Variants in PRKN observed in about 807,000 individuals in gnomAD.
PRKN encodes E3 ubiquitin-protein ligase parkin.
Under a neutral mutation model 59.5 loss-of-function variants are expected in PRKN, and 56 were observed. That is an observed-to-expected ratio of 0.94 (90% CI 0.76 to 1.18). The LOEUF (loss-of-function observed/expected upper bound fraction) is 1.18. Ranked by LOEUF, PRKN falls within the 50% of genes most tolerant of loss-of-function variation. PRKN has a pLI of 0.00. For missense variants in PRKN, 657 were observed against 596.4 expected (o/e 1.10, Z -1.06); for synonymous variants, 250 against 222.1 (o/e 1.13, Z -1.12).
intron 9 of PRKN, among the ~76,000 whole-genome samples, chr6:161,453,833 T>G (rs1789853018): frequency 6.8e-6 from 1 of 147,612 alleles, no homozygotes; most frequent in Admixed American, 6.8e-5. Context: ...ATGATTACCC[T>G]TTCTGGGAAT....
intron 7 of PRKN, among the ~76,000 whole-genome samples, chr6:161,732,820 G>A (rs1056738867): frequency 2.0e-5 from 3 of 152,070 alleles, no homozygotes; most frequent in Non-Finnish European, 4.4e-5. Flanking sequence ...GCATTGTCTC[G>A]ATGACCTGGT....
chr6:162,021,209 T>C (rs1357565369), intron 5 of PRKN, among the ~76,000 whole-genome samples: 2 of 141,580 alleles, frequency 1.4e-5, no homozygotes, highest in African/African-American at 5.1e-5. Flanking sequence ...ATATATAATA[T>C]ATAACATCTA....
intron 2 of PRKN, among the ~76,000 whole-genome samples, chr6:162,294,236 A>T (rs1181312212): frequency 1.3e-5 from 2 of 152,080 alleles, no homozygotes; most frequent in Admixed American, 1.3e-4. Flanking sequence ...CAAGTACCCG[A>T]GCCAAAAGCT....
intron 1 of PRKN, among the ~76,000 whole-genome samples, chr6:162,712,791 T>C (rs1178353251): frequency 1.3e-5 from 2 of 152,210 alleles, no homozygotes; most frequent in Non-Finnish European, 2.9e-5. Flanking sequence ...ACCTGTCTTC[T>C]GAGATTATTT....
At chr6:162,192,743 T>G (rs939865174) in intron 4 of PRKN, among the ~76,000 whole-genome samples, 3 of 152,158 alleles carry the variant, frequency 2.0e-5, no homozygotes. Flanking sequence ...TTTTAAAATA[T>G]ATACACATAC....
rs1785496260 is a variant in PRKN at position 161,372,860 on chromosome 6, C to T, written c.1168-12655G>A. 7.0e-6 allele frequency among the ~76,000 whole-genome samples: 1 copy of T among 142,042 alleles called. No individual in the cohort carries two copies. The highest frequency in any genetic ancestry group is 7.2e-5 in the Admixed American group (1 of 13,898). 93.2% of individuals were successfully genotyped at this position (142,042 alleles called of 152,430 possible). A position where few individuals can be genotyped will look rare whatever the true frequency, so the allele number is the denominator to read the frequency against. On this transcript the variant is annotated intron_variant, in intron 10 of 11. Coordinates refer to ENST00000366898, the MANE Select transcript of PRKN (RefSeq NM_004562.3). The surrounding 1 kb of genome is among the most constrained non-coding windows in gnomAD (Gnocchi z 4.2). ...TTTTTTTTTTTTTGAGACAGGGTCT[C>T]ACTCTGTTGCCCAGGCTGGAGTGCT...
chr6:162,669,780 C>G (rs1468735334), intron 1 of PRKN, among the ~76,000 whole-genome samples: 1 of 152,080 alleles, frequency 6.6e-6, no homozygotes, highest in Non-Finnish European at 1.5e-5. Context: ...CTAAATATTC[C>G]AAGGACTGGA....
In PRKN at chr6:161,561,781, G is replaced by A. The variant is rs755201678; in HGVS notation, c.933+7574C>T. ...AGTGTAAAACAAGTTCTGGCCCTTC[G>A]ATCTTTAAAGAACTGTCTTGTGGTT... On this transcript the variant is annotated intron_variant, in intron 8 of 11. Coordinates refer to ENST00000366898, the MANE Select transcript of PRKN (RefSeq NM_004562.3). This position sits in a 1 kb window ranked among gnomAD's most constrained non-coding sequence, Gnocchi z 5.0. Among the ~76,000 whole-genome samples, 5 of 152,076 alleles carry A rather than the reference G, an allele frequency of 3.3e-5. No individual in the cohort carries two copies. The highest frequency in any genetic ancestry group is 7.2e-5 in the African/African-American group (3 of 41,456).
At chr6:162,314,496 C>T (rs553604172) in intron 2 of PRKN, among the ~76,000 whole-genome samples, 6 of 152,162 alleles carry the variant, frequency 3.9e-5, no homozygotes, top group Non-Finnish European at 7.4e-5. Context: ...CTTAACATTT[C>T]CACATGCAAG....
intron 2 of PRKN, among the ~76,000 whole-genome samples, chr6:162,362,256 G>A: frequency 6.6e-6 from 1 of 152,040 alleles, no homozygotes; most frequent in East Asian, 1.9e-4. Flanking sequence ...TCTCAAGAAT[G>A]TTTTCGTTAT....
At chr6:162,075,131 G>A (rs1291153198) in intron 4 of PRKN, among the ~76,000 whole-genome samples, 1 of 152,134 alleles carries the variant, frequency 6.6e-6, no homozygotes, top group Non-Finnish European at 1.5e-5. Context: ...CAGATTAGAG[G>A]CAGTTTCAGG....
chr6:161,451,633 A>G lies in PRKN; in HGVS notation c.1084-64756T>C, dbSNP rs1352058993. Among the ~76,000 whole-genome samples the G allele has an allele frequency of 6.6e-6, 1 of 152,226 alleles. No homozygotes were observed. The highest frequency in any genetic ancestry group is 1.5e-5 in the Non-Finnish European group (1 of 68,044). ...CTGTCTCAAGAATATGAGCAAGATG[A>G]TTCCAAGAGAAAGTGGCAGTCAACA... is the stretch of plus-strand genomic sequence containing the variant. On this transcript the variant is annotated intron_variant, in intron 9 of 11. Coordinates refer to ENST00000366898, the MANE Select transcript of PRKN (RefSeq NM_004562.3). This position sits in a 1 kb window ranked among gnomAD's most constrained non-coding sequence, Gnocchi z 5.9.
intron 2 of PRKN, among the ~76,000 whole-genome samples, chr6:162,293,068 A>G (rs1042608140): frequency 4.6e-5 from 7 of 152,194 alleles, no homozygotes; most frequent in Non-Finnish European, 1.0e-4. Context: ...AAAATATGTA[A>G]GCCAGATGTT....
chr6:161,934,099 G>A lies in PRKN; in HGVS notation c.734+39203C>T, dbSNP rs11963053. Among the ~76,000 whole-genome samples, 690 of 152,272 alleles carry A rather than the reference G, an allele frequency of 4.5e-3. 7 individuals carry two copies. The highest frequency in any genetic ancestry group is 0.016 in the African/African-American group (655 of 41,564). ...GACCAGGAAGAGGTAATTGAATCAC[G>A]GGGGCGCTTCGCCATGAAGTTCTCA... On this transcript the variant is annotated intron_variant, in intron 6 of 11. Coordinates refer to ENST00000366898, the MANE Select transcript of PRKN (RefSeq NM_004562.3).
intron 7 of PRKN, among the ~76,000 whole-genome samples, chr6:161,599,745 T>C (rs1442946161): frequency 6.6e-6 from 1 of 152,194 alleles, no homozygotes; most frequent in Non-Finnish European, 1.5e-5. Context: ...GGTAACATAA[T>C]GATCTCTCGC....
rs1373435472 is a variant in PRKN at position 162,652,181 on chromosome 6, T to C, written c.7+75481A>G. On this transcript the variant is annotated intron_variant, in intron 1 of 11. Coordinates refer to ENST00000366898, the MANE Select transcript of PRKN (RefSeq NM_004562.3). The stretch of plus-strand genomic sequence containing the variant: ...TCCACTGGTGGCAAAACCGCCCCAG[T>C]TGATCTTTATATTTAGGGTCACCTC... Among the ~76,000 whole-genome samples the C allele has an allele frequency of 2.6e-5, 4 of 152,308 alleles. No individual in the cohort carries two copies. In the East Asian group the frequency reaches 7.7e-4, roughly 29 times the overall value.
At chr6:161,716,094 C>T (rs267600887) in intron 7 of PRKN, 7 of 1,347,126 alleles carry the variant, frequency 5.2e-6, no homozygotes, top group Admixed American at 3.8e-5. Flanking sequence ...TCCTGAATCC[C>T]CCCAGAGCTC....
intron 1 of PRKN, among the ~76,000 whole-genome samples, chr6:162,478,810 A>G (rs1052709605): frequency 1.3e-5 from 2 of 152,170 alleles, no homozygotes; most frequent in Admixed American, 6.5e-5. Flanking sequence ...AACAAGAAAC[A>G]TTTGTATATA....
chr6:162,219,297 A>T lies in PRKN; in HGVS notation c.413-18045T>A, dbSNP rs771432080. On this transcript the variant is annotated intron_variant, in intron 3 of 11. Coordinates refer to ENST00000366898, the MANE Select transcript of PRKN (RefSeq NM_004562.3). ...AACGCAGTGGATTCAGAGATCTGTC[A>T]AACACTTCTTTATCTAATACTGCAT... 1.1e-4 allele frequency among the ~76,000 whole-genome samples: 17 copies of T among 152,186 alleles called. 1 individual carries two copies. Among genetic ancestry groups the T allele is most frequent in the Non-Finnish European group, 1.9e-4 (13 of 68,032 alleles).
Sources: gnomAD v4.1 joint callset for allele counts (sites outside exome capture counted in the v4.1 genomes callset) on GRCh38, gnomAD v4.1.1 for gene constraint, Gnocchi (gnomAD v3.1) non-coding constraint, MANE v1.5 for transcripts, NCBI Gene and HGNC (gene_info 2026-07-23, HGNC 2026-07-21) for gene names.